OSBPL8: variants seen among roughly 807,000 people sequenced by gnomAD.
OSBPL8 encodes oxysterol binding protein like 8, also known as oxysterol-binding protein-related protein 8.
OSBPL8 carries 59 observed loss-of-function variants against 125.5 expected under a neutral mutation model. The ratio of observed to expected loss-of-function variants is 0.47; its 90% confidence interval spans 0.38 to 0.58. The LOEUF is 0.58. OSBPL8 is among the 20% of genes least tolerant of loss of function. The pLI is 0.00. For missense variants in OSBPL8, 758 were observed against 1,047.8 expected (o/e 0.72, Z 3.82); for synonymous variants, 330 against 338.9 (o/e 0.97, Z 0.29).
chr12:76,433,874 C>T (rs530302705), intron 4 of OSBPL8, among the ~76,000 whole-genome samples: 1 of 149,538 alleles, frequency 6.7e-6, no homozygotes, highest in South Asian at 2.1e-4. Flanking sequence ...ACTCAGGAGG[C>T]TGACACAGGA....
intron 8 of OSBPL8, among the ~76,000 whole-genome samples, chr12:76,395,995 C>CTATA (rs564002304): frequency 5.4e-5 from 8 of 148,312 alleles, no homozygotes; most frequent in African/African-American, 2.0e-4. Flanking sequence ...TAGTAGAATA[C>CTATA]TATATATATA....
intron 1 of OSBPL8, among the ~76,000 whole-genome samples, chr12:76,513,182 G>A (rs1004220708): frequency 2.6e-5 from 4 of 151,764 alleles, no homozygotes; most frequent in Admixed American, 6.6e-5. Flanking sequence ...ATTTTGGTTC[G>A]TTTGCATTTG....
chr12:76,453,829 TA>T (rs1049830786), intron 3 of OSBPL8, among the ~76,000 whole-genome samples: 1 of 151,042 alleles, frequency 6.6e-6, no homozygotes, highest in Admixed American at 6.6e-5. Context: ...AGAATGTTCT[TA>T]AAAAAAAACT....
intron 2 of OSBPL8, among the ~76,000 whole-genome samples, chr12:76,461,503 T>C (rs759719488): frequency 2.6e-5 from 4 of 152,040 alleles, no homozygotes; most frequent in Non-Finnish European, 5.9e-5. Flanking sequence ...CAGGCTGGAG[T>C]GCAGTGGTGT....
chr12:76,375,741 TA>T (rs75181715), intron 16 of OSBPL8, among the ~76,000 whole-genome samples: 1,784 of 146,630 alleles, frequency 0.012, 34 homozygotes, highest in African/African-American at 0.039. Context: ...CACATTGTTT[TA>T]AAAAAAAAAA....
chr12:76,369,632 C>T lies in OSBPL8; in HGVS notation c.2240+5G>A. ...GTTTGAAATAAACTATTTTAAGTTA[C>T]TTACTCTGCAAACTTGTAATGCCAT... On this transcript the variant is annotated splice_donor_5th_base_variant and intron_variant, in intron 20 of 23. Coordinates refer to ENST00000261183, the MANE Select transcript of OSBPL8 (RefSeq NM_020841.5). 1 of 1,609,964 alleles carries T rather than the reference C, an allele frequency of 6.2e-7. No homozygotes were observed. Among genetic ancestry groups the T allele is most frequent in the Non-Finnish European group, 8.5e-7 (1 of 1,176,768 alleles).
intron 4 of OSBPL8, among the ~76,000 whole-genome samples, chr12:76,447,834 A>T (rs755172830): frequency 6.6e-6 from 1 of 152,220 alleles, no homozygotes; most frequent in Non-Finnish European, 1.5e-5. Flanking sequence ...GGCATGAGCC[A>T]CTGCACCCGG....
At chr12:76,408,881 T>C (rs942672962) in intron 5 of OSBPL8, among the ~76,000 whole-genome samples, 1 of 152,074 alleles carries the variant, frequency 6.6e-6, no homozygotes, top group African/African-American at 2.4e-5. Flanking sequence ...AGATGGCAAA[T>C]AGGTAGCTGT....
intron 2 of OSBPL8, among the ~76,000 whole-genome samples, chr12:76,472,634 A>AG (rs1876297050): frequency 6.6e-6 from 1 of 152,244 alleles, no homozygotes; most frequent in Non-Finnish European, 1.5e-5. Context: ...TCCACTGGAC[A>AG]GGGGGCCCTT....
intron 1 of OSBPL8, among the ~76,000 whole-genome samples, chr12:76,553,967 A>T (rs1183882029): frequency 4.0e-5 from 4 of 101,220 alleles, no homozygotes; most frequent in South Asian, 3.9e-4. Flanking sequence ...ACACAGTGAG[A>T]CTCTATCTCA....
chr12:76,454,240 C>T (rs1443641092), intron 3 of OSBPL8, among the ~76,000 whole-genome samples: 2 of 152,104 alleles, frequency 1.3e-5, no homozygotes, highest in African/African-American at 4.8e-5. Context: ...TTCATAGCAA[C>T]ACTGTTCATA....
At chr12:76,536,816 CAAAAAAAAA>C (rs36035843) in intron 1 of OSBPL8, among the ~76,000 whole-genome samples, 2 of 91,100 alleles carry the variant, frequency 2.2e-5, no homozygotes, top group South Asian at 4.1e-4. Context: ...ATAGGAGTAT[CAAAAAAAAA>C]AAAAAAAAAA....
intron 1 of OSBPL8, among the ~76,000 whole-genome samples, chr12:76,497,442 T>C (rs2137088826): frequency 6.6e-6 from 1 of 152,310 alleles, no homozygotes; most frequent in African/African-American, 2.4e-5. Flanking sequence ...GTATGCATAA[T>C]AAAGGAATCT....
intron 2 of OSBPL8, among the ~76,000 whole-genome samples, chr12:76,462,522 T>C (rs1874862758): frequency 6.6e-6 from 1 of 152,176 alleles, no homozygotes; most frequent in Admixed American, 6.5e-5. Flanking sequence ...CTGACATATA[T>C]CACTTAGACA....
At chr12:76,551,194 T>G (rs970247357) in intron 1 of OSBPL8, among the ~76,000 whole-genome samples, 1 of 152,196 alleles carries the variant, frequency 6.6e-6, no homozygotes, top group Non-Finnish European at 1.5e-5. Context: ...CCCATGAACC[T>G]TACCCAACCC....
At chr12:76,362,568 C>T (rs1197853524) in intron 21 of OSBPL8, among the ~76,000 whole-genome samples, 1 of 152,254 alleles carries the variant, frequency 6.6e-6, no homozygotes, top group African/African-American at 2.4e-5. Context: ...AACCCACAGC[C>T]GATATCATAC....
intron 1 of OSBPL8, among the ~76,000 whole-genome samples, chr12:76,519,651 G>A (rs1229006954): frequency 5.9e-5 from 9 of 152,050 alleles, no homozygotes; most frequent in South Asian, 2.1e-4. Flanking sequence ...TCATGGTCCC[G>A]CAGGCTGCAC....
intron 1 of OSBPL8, among the ~76,000 whole-genome samples, chr12:76,555,887 A>G (rs1017915897): frequency 1.3e-5 from 2 of 152,212 alleles, no homozygotes; most frequent in Admixed American, 6.5e-5. Context: ...TGTTACAAAA[A>G]AAGACTTACT....
intron 3 of OSBPL8, among the ~76,000 whole-genome samples, chr12:76,451,876 T>C (rs1873450554): frequency 1.3e-5 from 2 of 152,172 alleles, no homozygotes; most frequent in Admixed American, 6.5e-5. Context: ...ACTAGCACTT[T>C]GGGAAGTCGA....
Sources: allele counts gnomAD v4.1 joint callset (sites outside exome capture counted in the v4.1 genomes callset), GRCh38; gene constraint gnomAD v4.1.1; transcripts MANE v1.5; gene names NCBI Gene and HGNC (gene_info 2026-07-23, HGNC 2026-07-21).